Variants in SGCD observed in about 807,000 individuals in gnomAD.
SGCD encodes the protein sarcoglycan delta.
Under a neutral mutation model 36.6 loss-of-function variants are expected in SGCD, and 18 were observed. The ratio of observed to expected loss-of-function variants is 0.49; its 90% CI spans 0.34 to 0.73. SGCD has a LOEUF of 0.73. Ranked by LOEUF, SGCD falls within the 30% of genes least tolerant of loss-of-function variation. The pLI, the probability that SGCD is intolerant of heterozygous loss-of-function variation, is 0.01. For missense variants in SGCD, 387 were observed against 346.7 expected (o/e 1.12, Z -0.92); for synonymous variants, 133 against 130.6 (o/e 1.02, Z -0.12).
At chr5:156,516,447 G>C (rs1371111296) in intron 4 of SGCD, among the ~76,000 whole-genome samples, 2 of 152,132 alleles carry the variant, frequency 1.3e-5, no homozygotes, top group Non-Finnish European at 2.9e-5. Context: ...GGGCCTGACT[G>C]TTAAAAGTGA....
chr5:156,508,706 A>G lies in SGCD; in HGVS notation c.294+4A>G. Reference sequence around the variant, plus strand: ...CAAAGAAATCCAGTCCCGACCAGTAAGTTTCTGCTGAGAGAAGGAGGCATT... The same window carrying G: ...CAAAGAAATCCAGTCCCGACCAGTAGGTTTCTGCTGAGAGAAGGAGGCATT... On this transcript the variant is annotated splice_donor_region_variant and intron_variant, in intron 4 of 8. Transcript: ENST00000337851. 2.6e-6 allele frequency: 4 copies of G among 1,533,242 alleles called. No individual in the cohort carries two copies. In the South Asian group the frequency reaches 4.6e-5, roughly 18 times the overall value. 95.0% of individuals were successfully genotyped at this position (1,533,242 alleles called of 1,614,324 possible). A position where few individuals can be genotyped will look rare whatever the true frequency, so the allele number is the denominator to read the frequency against.
intron 1 of SGCD, among the ~76,000 whole-genome samples, chr5:155,966,777 T>G (rs1240941732): frequency 6.6e-6 from 1 of 152,118 alleles, no homozygotes; most frequent in Non-Finnish European, 1.5e-5. Flanking sequence ...TTGCCTAATG[T>G]TAATATTAAT....
the SGCD span, among the ~76,000 whole-genome samples, chr5:155,754,387 G>T: frequency 1.3e-5 from 2 of 152,194 alleles, no homozygotes; most frequent in Admixed American, 1.3e-4. Context: ...TGAATAGCCT[G>T]CCCTATGATT....
At chr5:155,834,165 TA>T in the SGCD span, among the ~76,000 whole-genome samples, 1 of 144,856 alleles carries the variant, frequency 6.9e-6, no homozygotes, top group African/African-American at 2.6e-5. Flanking sequence ...GTGTAATTAT[TA>T]GTTGCTTACC....
chr5:156,406,110 A>G (rs533259191), intron 3 of SGCD, among the ~76,000 whole-genome samples: 1 of 151,766 alleles, frequency 6.6e-6, no homozygotes, highest in East Asian at 1.9e-4. Context: ...TTAAAGATTG[A>G]ATGACTGTAA....
intron 1 of SGCD, among the ~76,000 whole-genome samples, chr5:155,989,021 ACTGT>A (rs954683730): frequency 6.6e-6 from 1 of 152,186 alleles, no homozygotes; most frequent in Non-Finnish European, 1.5e-5. Context: ...TTACCCATTG[ACTGT>A]CTGCCAGGAT....
At chr5:156,603,113 C>A (rs1322490968) in intron 6 of SGCD, among the ~76,000 whole-genome samples, 1 of 152,016 alleles carries the variant, frequency 6.6e-6, no homozygotes, top group Non-Finnish European at 1.5e-5. Flanking sequence ...GATTAAATTT[C>A]TTTGCTCATT....
At chr5:155,810,795 C>CTTTTTTTTTTTTTT in the SGCD span, among the ~76,000 whole-genome samples, 3 of 35,334 alleles carry the variant, frequency 8.5e-5, 1 homozygote, top group African/African-American at 1.1e-4. Flanking sequence ...TTAGTGTCTG[C>CTTTTTTTTTTTTTT]TTTTTTTTTT....
chr5:155,843,805 A>ACCCC, the SGCD span, among the ~76,000 whole-genome samples: 2 of 152,140 alleles, frequency 1.3e-5, no homozygotes. Context: ...TGCACCTTGA[A>ACCCC]CCCCCAGTGG....
At chr5:156,413,076 C>T (rs897193555) in intron 3 of SGCD, among the ~76,000 whole-genome samples, 1 of 151,738 alleles carries the variant, frequency 6.6e-6, no homozygotes, top group Admixed American at 6.6e-5. Flanking sequence ...GGATTACAGG[C>T]GTGAGCCACC....
intron 1 of SGCD, among the ~76,000 whole-genome samples, chr5:156,072,238 C>G (rs1760596361): frequency 6.6e-6 from 1 of 152,136 alleles, no homozygotes; most frequent in Non-Finnish European, 1.5e-5. Flanking sequence ...ATGGTCTTTA[C>G]AATTTGGCAT....
intron 7 of SGCD, among the ~76,000 whole-genome samples, chr5:156,755,192 C>T (rs937787822): frequency 7.9e-5 from 12 of 151,878 alleles, no homozygotes; most frequent in Admixed American, 3.3e-4. Flanking sequence ...ATTCTGAAAA[C>T]GGAGAAGTTC....
At chr5:156,200,340 G>C (rs945549524) in intron 3 of SGCD, among the ~76,000 whole-genome samples, 2 of 152,098 alleles carry the variant, frequency 1.3e-5, no homozygotes, top group African/African-American at 4.8e-5. Context: ...GAACAGAATA[G>C]AGAGACTGGA....
At chr5:156,524,094 CTATATATATA>C (rs60414987) in intron 4 of SGCD, among the ~76,000 whole-genome samples, 516 of 40,368 alleles carry the variant, frequency 0.013, 1 homozygote, top group African/African-American at 0.022. Flanking sequence ...TGAGGTCTTA[CTATATATATA>C]TATATATATA....
intron 6 of SGCD, among the ~76,000 whole-genome samples, chr5:156,614,732 C>G (rs1449083136): frequency 2.6e-5 from 4 of 152,182 alleles, no homozygotes; most frequent in Non-Finnish European, 5.9e-5. Flanking sequence ...CTCAAACTGT[C>G]TTCTCAATTC....
intron 1 of SGCD, among the ~76,000 whole-genome samples, chr5:156,047,208 AC>A (rs1430797885): frequency 6.6e-6 from 1 of 152,160 alleles, no homozygotes; most frequent in Non-Finnish European, 1.5e-5. Context: ...AAAGAAAGAA[AC>A]CAACTCCATC....
intron 1 of SGCD, among the ~76,000 whole-genome samples, chr5:155,900,800 A>G (rs939465529): frequency 1.3e-5 from 2 of 152,164 alleles, no homozygotes; most frequent in Non-Finnish European, 2.9e-5. Flanking sequence ...CATTTTTATT[A>G]TTCAATAAAG....
intron 1 of SGCD, among the ~76,000 whole-genome samples, chr5:155,965,245 C>A (rs770494085): frequency 6.6e-6 from 1 of 152,094 alleles, no homozygotes; most frequent in Non-Finnish European, 1.5e-5. Flanking sequence ...AGTAGATATC[C>A]ATGGCAAATG....
chr5:155,861,033 C>T, the SGCD span, among the ~76,000 whole-genome samples: 1 of 152,154 alleles, frequency 6.6e-6, no homozygotes, highest in African/African-American at 2.4e-5. Context: ...GAATAGCGTG[C>T]GTGCACACAC....
Sources: gnomAD v4.1 joint callset for allele counts (sites outside exome capture counted in the v4.1 genomes callset) on GRCh38, gnomAD v4.1.1 for gene constraint, MANE v1.5 for transcripts, NCBI Gene and HGNC (gene_info 2026-07-23, HGNC 2026-07-21) for gene names.